Variants in RIMS1 observed in about 807,000 individuals in gnomAD.
RIMS1 encodes the protein regulating synaptic membrane exocytosis 1.
RIMS1 carries 83 observed loss-of-function variants against 214.1 expected under a neutral mutation model. The observed-to-expected ratio is 0.39, with a 90% CI of 0.32 to 0.47. The LOEUF (loss-of-function observed/expected upper bound fraction) is 0.47, where lower values mean the gene tolerates loss of function less well. Ranked by LOEUF, RIMS1 falls within the 20% of genes least tolerant of loss-of-function variation. The pLI, the probability that RIMS1 is intolerant of heterozygous loss-of-function variation, is 0.99. For synonymous variants in RIMS1, 793 were observed against 786.8 expected (o/e 1.01, Z -0.13); for missense variants, 2,050 against 2,161.8 (o/e 0.95, Z 1.03).
At chr6:72,354,094 C>A (rs371574326) in intron 29 of RIMS1, among the ~76,000 whole-genome samples, 77 of 152,308 alleles carry the variant, frequency 5.1e-4, no homozygotes, top group Middle Eastern at 3.4e-3. Context: ...GTGGCACGTG[C>A]CTGCAATCCC....
intron 6 of RIMS1, among the ~76,000 whole-genome samples, chr6:72,225,174 C>A (rs1350886447): frequency 6.6e-6 from 1 of 152,114 alleles, no homozygotes; most frequent in Non-Finnish European, 1.5e-5. Context: ...CTTGAGGGAT[C>A]TCTGGTGTCA....
intron 4 of RIMS1, among the ~76,000 whole-genome samples, chr6:72,143,953 AG>A (rs1278660175): frequency 6.6e-6 from 1 of 152,226 alleles, no homozygotes; most frequent in Non-Finnish European, 1.5e-5. Context: ...GACAGGGAAA[AG>A]TAAAGAAAGG....
At chr6:72,091,309 A>G (rs1836177514) in intron 2 of RIMS1, among the ~76,000 whole-genome samples, 1 of 152,244 alleles carries the variant, frequency 6.6e-6, no homozygotes, top group African/African-American at 2.4e-5. Flanking sequence ...AAATCCAGGA[A>G]GAAAGGTAGA....
intron 29 of RIMS1, among the ~76,000 whole-genome samples, chr6:72,362,001 G>GTATTA (rs2097846429): frequency 6.6e-6 from 1 of 151,894 alleles, no homozygotes; most frequent in Non-Finnish European, 1.5e-5. Context: ...GTATTGTATT[G>GTATTA]TATTGTATTG....
chr6:71,977,183 A>T (rs1432897006), intron 2 of RIMS1, among the ~76,000 whole-genome samples: 1 of 152,186 alleles, frequency 6.6e-6, no homozygotes, highest in Non-Finnish European at 1.5e-5. Flanking sequence ...CCCTATAAAC[A>T]TTGGAAACTG....
chr6:72,292,003 A>C lies in RIMS1; in HGVS notation c.3807A>C (p.Arg1269Ser). Residue 1269 changes from arginine to serine, a missense_variant, in exon 26 of 34, where the codon AGA becomes AGC. By Grantham distance (110) the Arg-to-Ser change is moderately radical (BLOSUM62 -1). Coordinates refer to ENST00000521978, the MANE Select transcript of RIMS1 (RefSeq NM_014989.7). ...CATCGTTCAGCAGTCGCAGGGGAAG[A>C]CAGCTCCCACAAGTGCCAGTGAGAA... is the stretch of plus-strand genomic sequence containing the variant. The part of the protein sequence containing the change: ...ADTSFSSRRG[R>S]QLPQVPVRSG... The C allele has an allele frequency of 6.4e-7, 1 of 1,562,072 alleles. No homozygotes were observed. Among genetic ancestry groups the C allele is most frequent in the Non-Finnish European group, 8.7e-7 (1 of 1,153,136 alleles).
At chr6:72,029,759 A>G (rs1817562506) in intron 2 of RIMS1, among the ~76,000 whole-genome samples, 1 of 152,166 alleles carries the variant, frequency 6.6e-6, no homozygotes, top group Admixed American at 6.6e-5. Flanking sequence ...CGAACACTCT[A>G]GCTCCTGGCA....
intron 2 of RIMS1, among the ~76,000 whole-genome samples, chr6:72,017,842 T>C (rs373496985): frequency 1.4e-4 from 21 of 152,140 alleles, no homozygotes; most frequent in African/African-American, 4.8e-4. Context: ...CTGAAAGAAT[T>C]GTGTGTGAGC....
chr6:71,948,595 A>G (rs149887499), intron 1 of RIMS1, among the ~76,000 whole-genome samples: 2 of 152,352 alleles, frequency 1.3e-5, no homozygotes, highest in Non-Finnish European at 2.9e-5. Context: ...GACCAACCTC[A>G]TAAAGATGTT....
chr6:72,056,227 C>T (rs574030489), intron 2 of RIMS1, among the ~76,000 whole-genome samples: 4 of 151,900 alleles, frequency 2.6e-5, no homozygotes, highest in East Asian at 1.9e-4. Flanking sequence ...CATATGTACA[C>T]GAAGAAGAGA....
At chr6:72,239,156 T>A (rs1422827448) in intron 9 of RIMS1, among the ~76,000 whole-genome samples, 1 of 152,184 alleles carries the variant, frequency 6.6e-6, no homozygotes, top group Non-Finnish European at 1.5e-5. Context: ...GAATCCCTTG[T>A]TGGCTAATGT....
intron 4 of RIMS1, among the ~76,000 whole-genome samples, chr6:72,111,445 A>G (rs976307223): frequency 6.6e-6 from 1 of 152,162 alleles, no homozygotes; most frequent in African/African-American, 2.4e-5. Flanking sequence ...ATGTCTTCTC[A>G]TAACCCCTTA....
At chr6:72,037,993 A>G (rs1222198529) in intron 2 of RIMS1, among the ~76,000 whole-genome samples, 2 of 148,956 alleles carry the variant, frequency 1.3e-5, no homozygotes, top group Non-Finnish European at 3.0e-5. Context: ...TGTACAATGA[A>G]AGCGTTTCTT....
rs981098366 is a variant in RIMS1 at position 72,158,406 on chromosome 6, G to T, written c.472-21169G>T. Among the ~76,000 whole-genome samples the T allele has an allele frequency of 2.1e-5, 3 of 140,288 alleles. 1 individual carries two copies. The highest frequency in any genetic ancestry group is 4.9e-5 in the Non-Finnish European group (3 of 61,698). The allele number at this position is 140,288 out of a possible 152,430, so 92.0% of individuals were successfully genotyped here. On this transcript the variant is annotated intron_variant, in intron 4 of 33. Transcript: ENST00000521978. ...CTTTTATCTCTGGTTGTTTTAAAAAGATTGTATTTTTTTTAATCATACTCT... is the reference window on the plus strand; with the variant it reads ...CTTTTATCTCTGGTTGTTTTAAAAATATTGTATTTTTTTTAATCATACTCT...
intron 26 of RIMS1, among the ~76,000 whole-genome samples, chr6:72,297,968 G>A (rs79423466): frequency 0.015 from 2,236 of 151,992 alleles, 19 homozygotes; most frequent in Non-Finnish European, 0.017. Context: ...AGTACATCCC[G>A]GATAAATGAA....
intron 4 of RIMS1, among the ~76,000 whole-genome samples, chr6:72,171,733 CTCT>C (rs1297862378): frequency 6.6e-6 from 1 of 152,084 alleles, no homozygotes; most frequent in Non-Finnish European, 1.5e-5. Context: ...CTAGAAATCA[CTCT>C]TCTTTGCAGG....
intron 4 of RIMS1, among the ~76,000 whole-genome samples, chr6:72,175,046 C>T (rs1237660503): frequency 6.6e-6 from 1 of 152,060 alleles, no homozygotes; most frequent in African/African-American, 2.4e-5. Flanking sequence ...TCTTTTCTAC[C>T]CTCTCATCTA....
intron 2 of RIMS1, among the ~76,000 whole-genome samples, chr6:72,012,355 A>G (rs1811034918): frequency 6.6e-6 from 1 of 152,174 alleles, no homozygotes; most frequent in South Asian, 2.1e-4. Flanking sequence ...AGGGTGGGAT[A>G]GCATTAGGAG....
At chr6:72,009,757 C>T (rs1481943961) in intron 2 of RIMS1, among the ~76,000 whole-genome samples, 3 of 151,958 alleles carry the variant, frequency 2.0e-5, no homozygotes, top group East Asian at 1.9e-4. Flanking sequence ...ACACATACAC[C>T]CTCCCAAGAC....
Sources: allele counts gnomAD v4.1 joint callset (sites outside exome capture counted in the v4.1 genomes callset), GRCh38; gene constraint gnomAD v4.1.1; transcripts MANE v1.5; gene names NCBI Gene and HGNC (gene_info 2026-07-23, HGNC 2026-07-21).